Variants in SUPT3H observed in about 807,000 individuals in gnomAD.
The protein encoded by SUPT3H is transcription initiation protein SPT3 homolog.
A neutral mutation model predicts 44.3 loss-of-function variants in SUPT3H; 44 were observed. The ratio of observed to expected loss-of-function variants is 0.99; its 90% CI spans 0.78 to 1.28. The LOEUF is 1.28. Ranked by LOEUF, SUPT3H falls within the 50% of genes most tolerant of loss-of-function variation. The pLI is 0.00. For synonymous variants in SUPT3H, 124 were observed against 125.6 expected, an observed-to-expected ratio of 0.99 and a Z score of 0.09; for missense variants, 380 against 387.1, an observed-to-expected ratio of 0.98 and a Z score of 0.15.
rs144454633 is a variant in SUPT3H, at chr6:45,095,905, T to C, written c.186+10017A>G. On this transcript the variant is annotated intron_variant, in intron 3 of 10. Transcript: ENST00000371459. This position sits in a 1 kb window ranked among gnomAD's most constrained non-coding sequence, Gnocchi z 4.1. The stretch of plus-strand genomic sequence containing the variant: ...TAGGATATGAAAAAGTTTGCATCTC[T>C]CTGGTAAATGTGAAATTCTTGGAAA... 9.0e-3 allele frequency among the ~76,000 whole-genome samples: 1,367 copies of C among 152,236 alleles called. 12 individuals carry two copies. Among genetic ancestry groups the C allele is most frequent in the Non-Finnish European group, 0.014 (971 of 67,976 alleles).
In SUPT3H at chr6:45,007,936, T is replaced by C. The variant is rs151160380; in HGVS notation, c.365-4144A>G. Among the ~76,000 whole-genome samples, 1,085 of 152,244 alleles carry C rather than the reference T, an allele frequency of 7.1e-3. 6 individuals are homozygous for C. Among genetic ancestry groups the C allele is most frequent in the Non-Finnish European group, 0.011 (721 of 68,008 alleles). On this transcript the variant is annotated intron_variant, in intron 5 of 10. Coordinates refer to ENST00000371459, the MANE Select transcript of SUPT3H (RefSeq NM_003599.4). Reference sequence around the variant, plus strand: ...CATTTCATATAAATAGAATAAAATATCTGGTCTTTGTGATTGGTTTCTTTC... The same window carrying C: ...CATTTCATATAAATAGAATAAAATACCTGGTCTTTGTGATTGGTTTCTTTC...
intron 6 of SUPT3H, among the ~76,000 whole-genome samples, chr6:44,991,666 T>C (rs1159278567): frequency 1.3e-5 from 2 of 152,072 alleles, no homozygotes; most frequent in East Asian, 1.9e-4. Context: ...CACAATGATA[T>C]AGAAAAAAAT....
chr6:45,188,023 A>G (rs1023305392), intron 2 of SUPT3H, among the ~76,000 whole-genome samples: 5 of 152,228 alleles, frequency 3.3e-5, no homozygotes, highest in Non-Finnish European at 5.9e-5. Flanking sequence ...CACCCAGGAC[A>G]TGAATCACCC....
At position 45,334,563 on chromosome 6, in the gene SUPT3H, T is replaced by C. The variant is rs1788171119; in HGVS notation, c.101+30638A>G. Among the ~76,000 whole-genome samples, 3 of 150,192 alleles carry C rather than the reference T, an allele frequency of 2.0e-5. No individual in the cohort carries two copies. In the South Asian group the frequency reaches 6.3e-4, roughly 31 times the overall value. Reference sequence around the variant, plus strand: ...TCTTTCTTTAGAAATATCAGAATAATAACGTGATATTCCACAGAACTTCAC... The same window carrying C: ...TCTTTCTTTAGAAATATCAGAATAACAACGTGATATTCCACAGAACTTCAC... On this transcript the variant is annotated intron_variant, in intron 2 of 10. Transcript: ENST00000371459.
chr6:45,154,685 C>T (rs972353349), intron 2 of SUPT3H, among the ~76,000 whole-genome samples: 1 of 152,164 alleles, frequency 6.6e-6, no homozygotes, highest in African/African-American at 2.4e-5. Flanking sequence ...ATTCATATCC[C>T]CTAAAAATCA....
At chr6:44,890,578 G>C (rs1225095867) in intron 10 of SUPT3H, among the ~76,000 whole-genome samples, 3 of 137,544 alleles carry the variant, frequency 2.2e-5, no homozygotes, top group Non-Finnish European at 4.6e-5. Context: ...ATGGACACAG[G>C]AAGGGGAACA....
intron 2 of SUPT3H, among the ~76,000 whole-genome samples, chr6:45,168,607 T>A (rs1246574754): frequency 6.6e-6 from 1 of 152,134 alleles, no homozygotes; most frequent in Non-Finnish European, 1.5e-5. Flanking sequence ...CAGTAAGACC[T>A]AAGGTAAAAT....
intron 2 of SUPT3H, among the ~76,000 whole-genome samples, chr6:45,167,948 A>G (rs1332577468): frequency 6.6e-6 from 1 of 151,658 alleles, no homozygotes; most frequent in Non-Finnish European, 1.5e-5. Flanking sequence ...AGTAGCTGGG[A>G]TTATGGGAAT....
At chr6:44,946,571 A>T (rs1773382182) in intron 9 of SUPT3H, among the ~76,000 whole-genome samples, 2 of 152,176 alleles carry the variant, frequency 1.3e-5, no homozygotes, top group African/African-American at 4.8e-5. Context: ...GTAACTGCAG[A>T]TGTGGTATAA....
chr6:45,013,372 ACT>A (rs1783778716), intron 5 of SUPT3H, among the ~76,000 whole-genome samples: 3 of 151,640 alleles, frequency 2.0e-5, no homozygotes, highest in South Asian at 2.1e-4. Context: ...ACTTCCACAC[ACT>A]CTGTTCCAAG....
At chr6:45,035,374 G>T (rs945470160) in intron 3 of SUPT3H, among the ~76,000 whole-genome samples, 6 of 151,990 alleles carry the variant, frequency 3.9e-5, no homozygotes, top group African/African-American at 1.4e-4. Context: ...AAAGTGTCTG[G>T]TACTGTTTAT....
chr6:45,348,879 C>G (rs931203489), intron 2 of SUPT3H, among the ~76,000 whole-genome samples: 1 of 152,094 alleles, frequency 6.6e-6, no homozygotes, highest in South Asian at 2.1e-4. Context: ...TTTAGTTCCC[C>G]CATTACACTA....
At chr6:44,901,567 A>G (rs1224084229) in intron 10 of SUPT3H, among the ~76,000 whole-genome samples, 6 of 151,728 alleles carry the variant, frequency 4.0e-5, no homozygotes, top group Admixed American at 1.3e-4. Flanking sequence ...TGAAAGTGAC[A>G]GGGAGAATGG....
At chr6:45,275,318 A>G (rs1479518716) in intron 2 of SUPT3H, among the ~76,000 whole-genome samples, 2 of 152,154 alleles carry the variant, frequency 1.3e-5, no homozygotes, top group Non-Finnish European at 1.5e-5. Context: ...TCATTCATCT[A>G]TAATATTCTT....
intron 2 of SUPT3H, among the ~76,000 whole-genome samples, chr6:45,166,890 A>G (rs939889638): frequency 9.2e-5 from 14 of 152,230 alleles, no homozygotes; most frequent in Admixed American, 9.2e-4. Context: ...GTTGACGAAG[A>G]TATGAGTAAC....
chr6:44,894,627 T>G (rs1763833593), intron 10 of SUPT3H, among the ~76,000 whole-genome samples: 1 of 152,178 alleles, frequency 6.6e-6, no homozygotes, highest in South Asian at 2.1e-4. Context: ...TACTGTAGCC[T>G]TGTAGTATAG....
At chr6:45,360,598 A>G (rs2150246307) in intron 2 of SUPT3H, among the ~76,000 whole-genome samples, 1 of 152,318 alleles carries the variant, frequency 6.6e-6, no homozygotes. Context: ...TCTTCATAAT[A>G]CTTAAAAAAT....
In SUPT3H at chr6:44,852,562, C is replaced by G. The variant is rs16872741; in HGVS notation, c.913-22705G>C. Among the ~76,000 whole-genome samples the G allele has an allele frequency of 3.9e-3, 597 of 152,262 alleles. 7 individuals are homozygous for G. Among genetic ancestry groups the G allele is most frequent in the African/African-American group, 0.014 (568 of 41,546 alleles). On this transcript the variant is annotated intron_variant, in intron 10 of 10. Coordinates refer to ENST00000371459, the MANE Select transcript of SUPT3H (RefSeq NM_003599.4). ...CAAGCTTTCTGTTACTTTCCTTACC[C>G]TCTTCCCAACCTCCCACAAGAGAAA...
intron 9 of SUPT3H, among the ~76,000 whole-genome samples, chr6:44,935,898 T>C (rs1771325931): frequency 6.6e-6 from 1 of 152,216 alleles, no homozygotes; most frequent in South Asian, 2.1e-4. Flanking sequence ...AAAAAAGTTC[T>C]TGGCAGGGTT....
Sources: allele counts gnomAD v4.1 joint callset (sites outside exome capture counted in the v4.1 genomes callset), GRCh38; gene constraint gnomAD v4.1.1; non-coding constraint Gnocchi (gnomAD v3.1); transcripts MANE v1.5; gene names NCBI Gene and HGNC (gene_info 2026-07-23, HGNC 2026-07-21).